PPARGC1A: variants seen among roughly 807,000 people sequenced by gnomAD.
PPARGC1A encodes PPARG coactivator 1 alpha.
In PPARGC1A, 25 loss-of-function variants were observed where a neutral mutation model predicts 88.7. The observed-to-expected ratio is 0.28, with a 90% confidence interval of 0.21 to 0.39. The LOEUF (loss-of-function observed/expected upper bound fraction) is 0.39. Among genes scored for constraint, PPARGC1A ranks in the 10% least tolerant of loss-of-function variants. PPARGC1A has a pLI of 1.00. For missense variants in PPARGC1A, 880 were observed against 968.7 expected (o/e 0.91, Z 1.22); for synonymous variants, 363 against 355.6 (o/e 1.02, Z -0.24).
At chr4:24,115,942 T>C in the PPARGC1A span, among the ~76,000 whole-genome samples, 2 of 152,110 alleles carry the variant, frequency 1.3e-5, no homozygotes, top group East Asian at 3.9e-4. Context: ...ATTCCAGCGT[T>C]ATGGTGAGGA....
At chr4:23,967,467 G>C in the PPARGC1A span, among the ~76,000 whole-genome samples, 1 of 152,176 alleles carries the variant, frequency 6.6e-6, no homozygotes, top group African/African-American at 2.4e-5. Context: ...GCAGACAACA[G>C]CAGCTCCAGT....
chr4:24,444,482 G>A, the PPARGC1A span, among the ~76,000 whole-genome samples: 1 of 152,130 alleles, frequency 6.6e-6, no homozygotes, highest in Non-Finnish European at 1.5e-5. Context: ...TAGGGGTAAA[G>A]TTGTCACAAA....
the PPARGC1A span, among the ~76,000 whole-genome samples, chr4:24,115,609 G>T: frequency 1.3e-5 from 2 of 152,136 alleles, no homozygotes; most frequent in African/African-American, 4.8e-5. Flanking sequence ...ATGCAAGATG[G>T]CAGCGTACCT....
At chr4:24,280,030 A>T in the PPARGC1A span, among the ~76,000 whole-genome samples, 1 of 152,172 alleles carries the variant, frequency 6.6e-6, no homozygotes, top group Non-Finnish European at 1.5e-5. Context: ...TTTCTCGCCA[A>T]CAATGCCCCA....
At chr4:24,428,761 AC>A in the PPARGC1A span, among the ~76,000 whole-genome samples, 3 of 152,156 alleles carry the variant, frequency 2.0e-5, no homozygotes, top group African/African-American at 7.2e-5. Flanking sequence ...TCAGGCTGAC[AC>A]CCCTCCTCTC....
the PPARGC1A span, among the ~76,000 whole-genome samples, chr4:24,031,589 G>A: frequency 6.6e-6 from 1 of 152,270 alleles, no homozygotes; most frequent in Admixed American, 6.5e-5. Flanking sequence ...GTTCAGCCCA[G>A]GCACTACTCA....
At chr4:24,103,826 A>C in the PPARGC1A span, among the ~76,000 whole-genome samples, 29 of 151,732 alleles carry the variant, frequency 1.9e-4, no homozygotes, top group South Asian at 5.7e-3. Context: ...ACATAAATAA[A>C]CTCCCACTTA....
the PPARGC1A span, among the ~76,000 whole-genome samples, chr4:24,027,000 G>T: frequency 6.6e-6 from 1 of 151,904 alleles, no homozygotes; most frequent in African/African-American, 2.4e-5. Flanking sequence ...TTTTCTAACG[G>T]GTCAGTAATG....
At chr4:24,350,048 C>A in the PPARGC1A span, among the ~76,000 whole-genome samples, 2 of 152,226 alleles carry the variant, frequency 1.3e-5, no homozygotes, top group Admixed American at 6.5e-5. Flanking sequence ...AAGTTGGAAA[C>A]GTCTCCAGCA....
At chr4:24,246,398 C>T in the PPARGC1A span, among the ~76,000 whole-genome samples, 2 of 152,188 alleles carry the variant, frequency 1.3e-5, no homozygotes, top group Admixed American at 6.5e-5. Flanking sequence ...CTGAGTCAGG[C>T]GGAGCACTGG....
At chr4:24,065,360 G>C in the PPARGC1A span, among the ~76,000 whole-genome samples, 41,370 of 151,798 alleles carry the variant, frequency 0.27, 5,809 homozygotes, top group Admixed American at 0.37. Context: ...TTTCATCAAC[G>C]GGAGCCCTGA....
chr4:23,935,160 G>T, the PPARGC1A span, among the ~76,000 whole-genome samples: 1 of 152,272 alleles, frequency 6.6e-6, no homozygotes, highest in African/African-American at 2.4e-5. Context: ...TGCCCACAAT[G>T]CTCGCATGCC....
rs1227705414 is a variant in PPARGC1A at position 23,795,577 on chromosome 4, T to G, written c.*245A>C. 2.4e-6 allele frequency: 1 copy of G among 418,650 alleles called. No individual in the cohort carries two copies. The highest frequency in any genetic ancestry group is 2.1e-5 in the African/African-American group (1 of 47,718). The allele number at this position is 418,650 out of a possible 1,614,324, so 25.9% of individuals were successfully genotyped here. On this transcript the variant is annotated 3_prime_UTR_variant, in exon 13 of 13. Coordinates refer to ENST00000264867, the MANE Select transcript of PPARGC1A (RefSeq NM_013261.5). ...CCAGGAAAAGCAAAGCTGACACCCA[T>G]GAATAAACATGTGCTTACTGGATAT...
the PPARGC1A span, among the ~76,000 whole-genome samples, chr4:23,996,350 G>A: frequency 2.0e-5 from 3 of 152,084 alleles, no homozygotes; most frequent in East Asian, 1.9e-4. Context: ...ACAATATAGC[G>A]GCTTCTGCAG....
chr4:24,268,462 C>T, the PPARGC1A span, among the ~76,000 whole-genome samples: 1 of 152,134 alleles, frequency 6.6e-6, no homozygotes, highest in East Asian at 1.9e-4. Context: ...CCAGCAAACC[C>T]CCTACCACTG....
chr4:23,840,938 A>G (rs1279510816), intron 2 of PPARGC1A, among the ~76,000 whole-genome samples: 3 of 152,166 alleles, frequency 2.0e-5, no homozygotes, highest in African/African-American at 7.2e-5. Flanking sequence ...CAGGCAAGCA[A>G]GTGATATATT....
chr4:24,238,751 G>A, the PPARGC1A span, among the ~76,000 whole-genome samples: 289 of 106,690 alleles, frequency 2.7e-3, no homozygotes, highest in South Asian at 0.01. Context: ...GTATATGTGT[G>A]TGTGTGTGTG....
At chr4:24,154,399 C>T in the PPARGC1A span, among the ~76,000 whole-genome samples, 2 of 152,160 alleles carry the variant, frequency 1.3e-5, no homozygotes, top group Admixed American at 6.5e-5. Context: ...AAGCAAATGG[C>T]GTCTTCTAAC....
chr4:24,008,265 A>C, the PPARGC1A span, among the ~76,000 whole-genome samples: 1 of 152,120 alleles, frequency 6.6e-6, no homozygotes, highest in Non-Finnish European at 1.5e-5. Context: ...CTCGCAACCA[A>C]CTTGGGGAAG....
Sources: allele counts gnomAD v4.1 joint callset (sites outside exome capture counted in the v4.1 genomes callset), GRCh38; gene constraint gnomAD v4.1.1; transcripts MANE v1.5; gene names NCBI Gene and HGNC (gene_info 2026-07-23, HGNC 2026-07-21).